The following COL4A1 variants were observed in gnomAD, a reference collection of about 807,000 sequenced individuals.
The protein encoded by COL4A1 is collagen alpha-1(IV) chain.
Under a neutral mutation model 216.6 loss-of-function variants are expected in COL4A1, and 40 were observed. The observed-to-expected ratio is 0.18, with a 90% CI of 0.14 to 0.24. The LOEUF (loss-of-function observed/expected upper bound fraction) is 0.24. COL4A1 is among the 10% of genes least tolerant of loss of function. COL4A1 has a pLI of 1.00. For missense variants in COL4A1, 1,628 were observed against 2,196.8 expected, an observed-to-expected ratio of 0.74 and a Z score of 5.18; for synonymous variants, 839 against 810.7, an observed-to-expected ratio of 1.03 and a Z score of -0.59.
chr13:110,161,886 T>A, intron 48 of COL4A1: 1 of 378,938 alleles, frequency 2.6e-6, no homozygotes, highest in East Asian at 5.9e-5. Flanking sequence ...AGAGCAATGG[T>A]TAAGCCGCAT....
intron 1 of COL4A1, among the ~76,000 whole-genome samples, chr13:110,306,595 G>A (rs1884722161): frequency 6.6e-6 from 1 of 152,180 alleles, no homozygotes; most frequent in Non-Finnish European, 1.5e-5. Context: ...TCGCGCACCC[G>A]GGACGGGTGA....
At chr13:110,216,121 C>T (rs185485135) in intron 2 of COL4A1, among the ~76,000 whole-genome samples, 21 of 152,322 alleles carry the variant, frequency 1.4e-4, no homozygotes, top group Admixed American at 7.2e-4. Context: ...TCCAGGGAGT[C>T]GGCCAGAAGC....
At chr13:110,163,982 CTCTTTTTTT>C (rs1162788088) in intron 46 of COL4A1, among the ~76,000 whole-genome samples, 13 of 99,320 alleles carry the variant, frequency 1.3e-4, no homozygotes, top group Non-Finnish European at 1.8e-4. Context: ...CTTTCTCTCT[CTCTTTTTTT>C]TTTTTTTTTT....
intron 2 of COL4A1, among the ~76,000 whole-genome samples, chr13:110,216,076 C>G (rs1471493514): frequency 1.3e-5 from 2 of 152,176 alleles, no homozygotes; most frequent in African/African-American, 4.8e-5. Context: ...ACCTCAAGCC[C>G]CATACTGTGG....
At chr13:110,153,900 G>T (rs192908328) in intron 50 of COL4A1, among the ~76,000 whole-genome samples, 1 of 152,244 alleles carries the variant, frequency 6.6e-6, no homozygotes, top group East Asian at 1.9e-4. Context: ...CACACAGCAC[G>T]TCTGGAAGGT....
chr13:110,188,212 G>A (rs1350937162), intron 24 of COL4A1, among the ~76,000 whole-genome samples: 4 of 152,328 alleles, frequency 2.6e-5, no homozygotes, highest in Middle Eastern at 3.4e-3. Flanking sequence ...ACTCCCTGTC[G>A]ACTTGGCAGA....
intron 41 of COL4A1, among the ~76,000 whole-genome samples, chr13:110,171,409 A>T (rs1877637615): frequency 6.6e-6 from 1 of 152,088 alleles, no homozygotes; most frequent in African/African-American, 2.4e-5. Context: ...CATGGTGTAG[A>T]CCTATGTCAG....
chr13:110,288,969 C>T (rs57541979), intron 1 of COL4A1, among the ~76,000 whole-genome samples: 27,410 of 152,060 alleles, frequency 0.18, 2,576 homozygotes, highest in South Asian at 0.23. Context: ...ACCCAGGAGG[C>T]GGAGGTTGCA....
At chr13:110,228,693 G>A (rs1021779011) in intron 2 of COL4A1, among the ~76,000 whole-genome samples, 4 of 152,152 alleles carry the variant, frequency 2.6e-5, no homozygotes, top group Non-Finnish European at 5.9e-5. Context: ...TTGGGTTCAC[G>A]GCCTTATCCA....
chr13:110,219,688 A>ATGTG (rs1210149468), intron 2 of COL4A1, among the ~76,000 whole-genome samples: 119 of 114,030 alleles, frequency 1.0e-3, no homozygotes, highest in Non-Finnish European at 2.0e-3. Flanking sequence ...GTGTATATAT[A>ATGTG]TGTATATATA....
At chr13:110,172,446 C>G (rs1321288378) in intron 41 of COL4A1, among the ~76,000 whole-genome samples, 2 of 152,196 alleles carry the variant, frequency 1.3e-5, no homozygotes, top group Non-Finnish European at 2.9e-5. Context: ...ATAAAAATGA[C>G]AGGGGTCTCG....
chr13:110,293,307 C>G (rs1451860231), intron 1 of COL4A1, among the ~76,000 whole-genome samples: 1 of 152,142 alleles, frequency 6.6e-6, no homozygotes, highest in African/African-American at 2.4e-5. Flanking sequence ...TTGCTCTGAC[C>G]CAGGGAAGAG....
chr13:110,268,579 A>G lies in COL4A1; in HGVS notation c.85-25845T>C, dbSNP rs1301827433. Reference sequence around the variant, plus strand: ...GACTTCAGGGTGGTGTGGCAGGGAAAATGCTTTTGAGCTTCAAGCCTCAGT... The same window carrying G: ...GACTTCAGGGTGGTGTGGCAGGGAAGATGCTTTTGAGCTTCAAGCCTCAGT... On this transcript the variant is annotated intron_variant, in intron 1 of 51. Transcript: ENST00000375820. The surrounding 1 kb of genome is among the most constrained non-coding windows in gnomAD (Gnocchi z 4.1). Among the ~76,000 whole-genome samples, 3 of 152,320 alleles carry G rather than the reference A, an allele frequency of 2.0e-5. No individual in the cohort carries two copies. Among genetic ancestry groups the G allele is most frequent in the Admixed American group, 6.5e-5 (1 of 15,308 alleles).
At position 110,242,384 on chromosome 13, in the gene COL4A1, G is replaced by A. The variant is rs546726924; in HGVS notation, c.144+291C>T. Among the ~76,000 whole-genome samples, 562 of 152,262 alleles carry A rather than the reference G, an allele frequency of 3.7e-3. 5 individuals are homozygous for A. Among genetic ancestry groups the A allele is most frequent in the African/African-American group, 0.013 (540 of 41,554 alleles). On this transcript the variant is annotated intron_variant, in intron 2 of 51. Coordinates refer to ENST00000375820, the MANE Select transcript of COL4A1 (RefSeq NM_001845.6). ...CTTATACATCAATTCGAAAAAGTAC[G>A]ATAGATTCAACAGATTTTCTACCAA...
chr13:110,270,187 GA>G (rs2139288255), intron 1 of COL4A1, among the ~76,000 whole-genome samples: 1 of 152,270 alleles, frequency 6.6e-6, no homozygotes, highest in Admixed American at 6.5e-5. Context: ...GAAATAACAG[GA>G]AAGTTCATCT....
chr13:110,257,935 A>G (rs1882651315), intron 1 of COL4A1, among the ~76,000 whole-genome samples: 1 of 152,212 alleles, frequency 6.6e-6, no homozygotes, highest in South Asian at 2.1e-4. Flanking sequence ...AAATACATAA[A>G]ATATGGAAAA....
intron 39 of COL4A1, 72 bp from the exon 40 acceptor site, chr13:110,174,070 C>G: frequency 6.6e-7 from 1 of 1,516,538 alleles, no homozygotes; most frequent in Admixed American, 1.7e-5. Context: ...CAAAATGGCC[C>G]TTTGCTGACA....
chr13:110,209,499 C>G (rs1016931523), intron 10 of COL4A1, 72 bp from the exon 11 acceptor site: 1 of 1,073,842 alleles, frequency 9.3e-7, no homozygotes, highest in African/African-American at 1.6e-5. Context: ...TTCAGGCTGA[C>G]GTTATCTTAA....
At position 110,174,001 on chromosome 13, in the gene COL4A1, C is replaced by T; in HGVS notation, c.3407-3G>A. The stretch of plus-strand genomic sequence containing the variant: ...GGGGCCAGGAGTCCCAGGAAGACCT[C>T]AAAGAGAAAAGTCACATCAGACACC... On this transcript the variant is annotated splice_polypyrimidine_tract_variant and splice_region_variant and intron_variant, in intron 39 of 51. Transcript: ENST00000375820. 1.2e-6 allele frequency: 2 copies of T among 1,613,980 alleles called. No homozygotes were observed. The highest frequency in any genetic ancestry group is 1.7e-6 in the Non-Finnish European group (2 of 1,179,992).
Sources: allele counts gnomAD v4.1 joint callset (sites outside exome capture counted in the v4.1 genomes callset), GRCh38; gene constraint gnomAD v4.1.1; non-coding constraint Gnocchi (gnomAD v3.1); transcripts MANE v1.5; gene names NCBI Gene and HGNC (gene_info 2026-07-23, HGNC 2026-07-21).